Variants in OTOA observed in about 807,000 individuals in gnomAD.
OTOA encodes the protein cancer/testis antigen 108.
OTOA carries 70 observed loss-of-function variants against 110.8 expected under a neutral mutation model. The observed-to-expected ratio is 0.63, with a 90% CI of 0.52 to 0.77. OTOA has a LOEUF of 0.77. Ranked by LOEUF, OTOA falls within the 30% of genes least tolerant of loss-of-function variation. The probability of loss-of-function intolerance (pLI) is 0.00; values close to 1 mark genes in which losing one functional copy is unlikely to be tolerated. For missense variants in OTOA, 917 were observed against 1,075.8 expected (o/e 0.85, Z 2.06); for synonymous variants, 373 against 431.5 (o/e 0.86, Z 1.68).
At chr16:21,717,289 A>T (rs2141701381) in intron 15 of OTOA, among the ~76,000 whole-genome samples, 1 of 152,252 alleles carries the variant, frequency 6.6e-6, no homozygotes, top group South Asian at 2.1e-4. Context: ...AAAAGTTAAA[A>T]AATTAGCCAG....
At chr16:21,749,299 G>T (rs1176853013) in intron 24 of OTOA, among the ~76,000 whole-genome samples, 1 of 137,748 alleles carries the variant, frequency 7.3e-6, no homozygotes, top group Non-Finnish European at 1.6e-5. Context: ...GGCTGAGGTG[G>T]GTAGATCACT....
intron 17 of OTOA, among the ~76,000 whole-genome samples, chr16:21,722,125 G>C (rs1898766692): frequency 1.3e-5 from 2 of 150,726 alleles, no homozygotes; most frequent in Admixed American, 1.3e-4. Flanking sequence ...AGCCGTGCAT[G>C]GTGGGGGGTG....
chr16:21,696,110 C>A (rs1897935670), intron 9 of OTOA, among the ~76,000 whole-genome samples: 1 of 151,444 alleles, frequency 6.6e-6, no homozygotes, highest in Non-Finnish European at 1.5e-5. Flanking sequence ...GACCAGTATG[C>A]TCTCGATCTC....
intron 9 of OTOA, among the ~76,000 whole-genome samples, chr16:21,693,246 G>GTA (rs1897869525): frequency 6.6e-6 from 1 of 152,132 alleles, no homozygotes. Flanking sequence ...CCTGAGTGAT[G>GTA]TAGTGAGACC....
At chr16:21,733,801 T>C (rs1242067549) in intron 21 of OTOA, among the ~76,000 whole-genome samples, 2 of 151,966 alleles carry the variant, frequency 1.3e-5, no homozygotes, top group African/African-American at 2.4e-5. Context: ...GCAATTCTTT[T>C]TTTCTTTCTC....
intron 5 of OTOA, among the ~76,000 whole-genome samples, chr16:21,680,990 G>A (rs115473521): frequency 0.012 from 1,760 of 152,172 alleles, 44 homozygotes; most frequent in African/African-American, 0.04. Flanking sequence ...GGGAAACTGA[G>A]GCACAAGAAA....
rs1210187890 is a variant in OTOA, at chr16:21,714,303, TCC to T, written c.1321-681_1321-680del. On this transcript the variant is annotated intron_variant, in intron 13 of 28. Coordinates refer to ENST00000646100, the MANE Select transcript of OTOA (RefSeq NM_144672.4). Reference sequence around the variant, plus strand: ...CCTTCCTTTCTTTCTTTTCCTTTCTTCCTTCCTTCCTTCCTTCCTTCCTTCCT... The same window carrying T: ...CCTTCCTTTCTTTCTTTTCCTTTCTTTTCCTTCCTTCCTTCCTTCCTTCCT... Among the ~76,000 whole-genome samples the T allele has an allele frequency of 3.0e-3, 345 of 113,288 alleles. 3 individuals are homozygous for T. In the East Asian group the frequency reaches 0.05, roughly 16 times the overall value. 74.3% of individuals were successfully genotyped at this position (113,288 alleles called of 152,430 possible).
At chr16:21,665,393 G>A (rs1004547440) in intron 1 of OTOA, among the ~76,000 whole-genome samples, 1 of 152,190 alleles carries the variant, frequency 6.6e-6, no homozygotes, top group Non-Finnish European at 1.5e-5. Flanking sequence ...CAAGAATTAA[G>A]CGAGACAATG....
At position 21,728,267 on chromosome 16, in the gene OTOA, T is replaced by C; in HGVS notation, c.2043T>C (p.Thr681=). The part of the protein sequence containing the change: ...CLDDSIADEY[T]VDIMGNLLCH... ...ACGACTCCATTGCTGATGAGTACAC[T>C]GTGGACATCATGGGGAACCTGCTGT... is the stretch of plus-strand genomic sequence containing the variant. Residue 681 remains threonine, a synonymous_variant, in exon 20 of 29, where the codon ACT becomes ACC. Transcript: ENST00000646100. 1 of 1,614,174 alleles carries C rather than the reference T, an allele frequency of 6.2e-7. No individual in the cohort carries two copies.
intron 7 of OTOA, 132 bp downstream of exon 7, chr16:21,685,493 AC>A: frequency 1.5e-6 from 2 of 1,305,254 alleles, no homozygotes; most frequent in Non-Finnish European, 2.1e-6. Flanking sequence ...GCCTCCTCCA[AC>A]CCCCTGGGGG....
chr16:21,699,795 T>C lies in OTOA; in HGVS notation c.841-1093T>C, dbSNP rs1056047023. 3.3e-5 allele frequency among the ~76,000 whole-genome samples: 5 copies of C among 152,104 alleles called. No individual in the cohort carries two copies. The South Asian group carries it at 6.2e-4, about 19-fold the overall frequency. On this transcript the variant is annotated intron_variant, in intron 10 of 28. Coordinates refer to ENST00000646100, the MANE Select transcript of OTOA (RefSeq NM_144672.4). ...TTAGCCGGGCATGTTTGCACATGCC[T>C]GTAATCCCAGCTACTCAGGAGGCTG...
intron 12 of OTOA, among the ~76,000 whole-genome samples, chr16:21,708,799 C>A (rs899010283): frequency 6.6e-6 from 1 of 152,092 alleles, no homozygotes; most frequent in African/African-American, 2.4e-5. Flanking sequence ...AAAATATGAA[C>A]CATTCTTGTT....
chr16:21,694,491 G>A (rs1679192894), intron 9 of OTOA, among the ~76,000 whole-genome samples: 1 of 152,108 alleles, frequency 6.6e-6, no homozygotes, highest in African/African-American at 2.4e-5. Context: ...TTGGCTCATG[G>A]GCTGTATAAA....
At chr16:21,689,305 C>T (rs1047933006) in intron 8 of OTOA, among the ~76,000 whole-genome samples, 4 of 152,074 alleles carry the variant, frequency 2.6e-5, no homozygotes, top group African/African-American at 7.2e-5. Context: ...CTGACCTCAT[C>T]GTTTCTCTAG....
chr16:21,692,927 CAAA>C (rs34170544), intron 9 of OTOA, among the ~76,000 whole-genome samples: 3 of 97,076 alleles, frequency 3.1e-5, no homozygotes, highest in African/African-American at 1.2e-4. Flanking sequence ...GACTCTGTCT[CAAA>C]AAAAAAAAAA....
At position 21,752,336 on chromosome 16, in the gene OTOA, A is replaced by G. The variant is rs768528519; in HGVS notation, c.2919-33A>G. 6.5e-6 allele frequency: 4 copies of G among 617,270 alleles called. No homozygotes were observed. The East Asian group carries it at 1.2e-4, about 18-fold the overall frequency. The allele number at this position is 617,270 out of a possible 1,614,324, so 38.2% of individuals were successfully genotyped here. A position where few individuals can be genotyped will look rare whatever the true frequency, so the allele number is the denominator to read the frequency against. On this transcript the variant is annotated intron_variant, in intron 25 of 28. Coordinates refer to ENST00000646100, the MANE Select transcript of OTOA (RefSeq NM_144672.4). ...GTTTTTGGCTGAAGAGTCCAAGCTC[A>G]TATTATATCCCTCCCTCTTTAACCA... is the stretch of plus-strand genomic sequence containing the variant.
intron 23 of OTOA, among the ~76,000 whole-genome samples, chr16:21,744,214 C>T (rs970441835): frequency 3.3e-5 from 5 of 149,740 alleles, no homozygotes; most frequent in Admixed American, 1.3e-4. Flanking sequence ...ACAGTGGCAC[C>T]ATCTTGGCTA....
intron 1 of OTOA, among the ~76,000 whole-genome samples, chr16:21,669,324 C>T (rs1397877942): frequency 3.3e-5 from 5 of 152,034 alleles, no homozygotes; most frequent in Non-Finnish European, 7.4e-5. Flanking sequence ...GCGTGCGTGA[C>T]AGAGTGAGAC....
At position 21,710,004 on chromosome 16, in the gene OTOA, C is replaced by T. The variant is rs200190053; in HGVS notation, c.1221C>T (p.Pro407=). 67 of 1,613,928 alleles carry T rather than the reference C, an allele frequency of 4.2e-5. No homozygotes were observed. The highest frequency in any genetic ancestry group is 5.3e-5 in the Non-Finnish European group (63 of 1,179,990). ...LTYSQLESLS[P]EAVHGAISTL... ...ACAGCCAACTGGAATCCCTCTCCCC[C>T]GAGGCTGTGCACGGAGCCATCTCCA... The change falls in exon 13 of 29, where the codon CCC becomes CCT. Residue 407 remains proline (P), a synonymous_variant. Coordinates refer to ENST00000646100, the MANE Select transcript of OTOA (RefSeq NM_144672.4).
Sources: allele counts gnomAD v4.1 joint callset (sites outside exome capture counted in the v4.1 genomes callset), GRCh38; gene constraint gnomAD v4.1.1; transcripts MANE v1.5; gene names NCBI Gene and HGNC (gene_info 2026-07-23, HGNC 2026-07-21).